Variants in LPA observed in about 807,000 individuals in gnomAD.
LPA encodes lipoprotein(a), also known as apolipoprotein(a).
LPA carries 199 observed loss-of-function variants against 197.9 expected under a neutral mutation model. That is an observed-to-expected ratio of 1.01 (90% CI 0.90 to 1.13). The LOEUF (loss-of-function observed/expected upper bound fraction) is 1.13. Among genes scored for constraint, LPA ranks in the 50% most tolerant of loss-of-function variants. The pLI is 0.00. For synonymous variants in LPA, 715 were observed against 639.5 expected (o/e 1.12, Z -1.78); for missense variants, 1,853 against 1,785.8 (o/e 1.04, Z -0.68).
At chr6:160,587,613 C>T (rs4073498) in intron 24 of LPA, among the ~76,000 whole-genome samples, 61,586 of 151,898 alleles carry the variant, frequency 0.41, 13,223 homozygotes, top group African/African-American at 0.56. Flanking sequence ...TGGCGTGTTG[C>T]GAGCCATCAT....
At position 160,578,578 on chromosome 6, in the gene LPA, G is replaced by A. The variant is rs1479698031; in HGVS notation, c.4416C>T (p.Val1472=). Reference sequence around the variant, plus strand: ...CCGGGGCCACTGTGGGAGTTGTGAGGACACTCGATTCTGTCACTGGACATC... The same window carrying A: ...CCGGGGCCACTGTGGGAGTTGTGAGAACACTCGATTCTGTCACTGGACATC... ...LTRCPVTESS[V]LTTPTVAPVP... is the part of the protein sequence containing the mutation. The change falls in exon 27 of 39, where the codon GTC becomes GTT. Residue 1472 remains valine, a synonymous_variant. Coordinates refer to ENST00000316300, the MANE Select transcript of LPA (RefSeq NM_005577.4). 2 of 1,614,012 alleles carry A rather than the reference G, an allele frequency of 1.2e-6. No individual in the cohort carries two copies. The highest frequency in any genetic ancestry group is 1.7e-5 in the Admixed American group (1 of 60,012).
intron 6 of LPA, 22 bp from the exon 7 acceptor site, chr6:160,635,326 A>C: frequency 1.0e-6 from 1 of 965,814 alleles, no homozygotes; most frequent in Non-Finnish European, 1.5e-6. Context: ...AAAACGATAC[A>C]CGTCACAAGA....
At chr6:160,585,283 G>A (rs1160904943) in intron 25 of LPA, 78 bp from the exon 26 acceptor site, 8 of 1,374,082 alleles carry the variant, frequency 5.8e-6, no homozygotes, top group African/African-American at 4.3e-5. Context: ...ACACAAAGTG[G>A]AATAATCTGA....
At chr6:160,595,301 C>A (rs542921927) in intron 21 of LPA, 53 bp downstream of exon 21, 4 of 1,603,790 alleles carry the variant, frequency 2.5e-6, no homozygotes, top group South Asian at 1.1e-5. Context: ...GATTTTGCAA[C>A]TCTTTTCATC....
chr6:160,641,094 G>C (rs1482881159), intron 4 of LPA, among the ~76,000 whole-genome samples: 1 of 136,998 alleles, frequency 7.3e-6, no homozygotes, highest in Non-Finnish European at 1.6e-5. Flanking sequence ...ACGCTTCTTA[G>C]AAACACTGAG....
At chr6:160,606,798 A>G in intron 16 of LPA, 140 bp from the exon 17 acceptor site, 4 of 1,304,668 alleles carry the variant, frequency 3.1e-6, no homozygotes, top group Non-Finnish European at 4.4e-6. Context: ...GATTGCCACA[A>G]GCACAAATGG....
At chr6:160,652,286 A>T (rs995398623) in intron 1 of LPA, among the ~76,000 whole-genome samples, 3 of 152,162 alleles carry the variant, frequency 2.0e-5, no homozygotes, top group Non-Finnish European at 2.9e-5. Flanking sequence ...AACAAAGATG[A>T]GAATATCTTA....
At chr6:160,610,200 C>A (rs538369604) in intron 16 of LPA, among the ~76,000 whole-genome samples, 1 of 152,206 alleles carries the variant, frequency 6.6e-6, no homozygotes, top group East Asian at 1.9e-4. Flanking sequence ...ATTTAGGACT[C>A]ACTCTGGGGA....
chr6:160,574,118 G>A (rs1181650398), intron 28 of LPA, among the ~76,000 whole-genome samples: 5 of 152,080 alleles, frequency 3.3e-5, no homozygotes, highest in Non-Finnish European at 7.4e-5. Context: ...CACTGGAGTT[G>A]TGTACCTAGG....
rs200148400 is a variant in LPA, at chr6:160,589,540, C to G, written c.3947+13G>C. On this transcript the variant is annotated intron_variant, in intron 24 of 38. Transcript: ENST00000316300. ...GGTGGCTGTTTCTCTTGGGAGAAAA[C>G]TCAAAGACATACCCATTTGGGTAGT... is the stretch of plus-strand genomic sequence containing the variant. 2 of 1,612,838 alleles carry G rather than the reference C, an allele frequency of 1.2e-6. No individual in the cohort carries two copies. The highest frequency in any genetic ancestry group is 1.7e-6 in the Non-Finnish European group (2 of 1,179,714).
rs374080583 is a variant in LPA, at chr6:160,593,999, T to A, written c.3588A>T (p.Thr1196=). Residue 1196 remains threonine, a synonymous_variant, in exon 22 of 39, where the codon ACA becomes ACT. Coordinates refer to ENST00000316300, the MANE Select transcript of LPA (RefSeq NM_005577.4). Reference sequence around the variant, plus strand: ...CTGTTGTCCTCTGATGCCAGTGTGGTGTCATAGAGGACCAAGACTGACATG... The same window carrying A: ...CTGTTGTCCTCTGATGCCAGTGTGGAGTCATAGAGGACCAAGACTGACATG... ...GRTCQSWSSM[T]PHWHQRTTEY... is the part of the protein sequence containing the mutation. 6.2e-7 allele frequency: 1 copy of A among 1,613,974 alleles called. No individual in the cohort carries two copies. The highest frequency in any genetic ancestry group is 2.2e-5 in the East Asian group (1 of 44,866).
intron 21 of LPA, 134 bp from the exon 22 acceptor site, chr6:160,594,251 G>A (rs1322829393): frequency 2.0e-6 from 2 of 1,020,656 alleles, no homozygotes; most frequent in Non-Finnish European, 2.9e-6. Flanking sequence ...GCAGGCAGAT[G>A]GACATACCAA....
At chr6:160,578,440 G>C (rs935699216) in intron 27 of LPA, 83 bp downstream of exon 27, 42 of 1,539,636 alleles carry the variant, frequency 2.7e-5, no homozygotes, top group Non-Finnish European at 3.8e-5. Flanking sequence ...ACCCTCCAGT[G>C]TACCACTGAA....
chr6:160,571,739 C>T (rs886895720), intron 28 of LPA, among the ~76,000 whole-genome samples: 3 of 152,224 alleles, frequency 2.0e-5, no homozygotes, highest in South Asian at 2.1e-4. Context: ...CAAGCTTGAG[C>T]GTCCCAGGTC....
At chr6:160,534,483 G>A (rs1469708719) in intron 37 of LPA, among the ~76,000 whole-genome samples, 2 of 152,136 alleles carry the variant, frequency 1.3e-5, no homozygotes, top group African/African-American at 4.8e-5. Flanking sequence ...AGGGCCACGG[G>A]ATCAGCCCAG....
chr6:160,553,956 C>T (rs914025146), intron 30 of LPA, among the ~76,000 whole-genome samples: 509 of 29,394 alleles, frequency 0.017, 1 homozygote, highest in African/African-American at 0.046. Context: ...TGTGTGTGTG[C>T]GCGCGCGCGC....
At chr6:160,542,460 T>A (rs1329208882) in intron 34 of LPA, among the ~76,000 whole-genome samples, 3 of 152,218 alleles carry the variant, frequency 2.0e-5, no homozygotes. Context: ...GCCTACAGAT[T>A]TTGATGGAAC....
chr6:160,594,530 C>A (rs1779093124), intron 21 of LPA, among the ~76,000 whole-genome samples: 1 of 152,226 alleles, frequency 6.6e-6, no homozygotes. Flanking sequence ...CCCTAGACTG[C>A]TGATCCTCCA....
At chr6:160,584,135 A>G (rs1251671413) in intron 26 of LPA, among the ~76,000 whole-genome samples, 2 of 152,028 alleles carry the variant, frequency 1.3e-5, no homozygotes, top group Non-Finnish European at 2.9e-5. Context: ...CATACAGGCT[A>G]GTACTCATAT....
Sources: allele counts gnomAD v4.1 joint callset (sites outside exome capture counted in the v4.1 genomes callset), GRCh38; gene constraint gnomAD v4.1.1; transcripts MANE v1.5; gene names NCBI Gene and HGNC (gene_info 2026-07-23, HGNC 2026-07-21).